The following NIBAN1 variants were observed in gnomAD, a reference collection of about 807,000 sequenced individuals.
NIBAN1 encodes the protein niban apoptosis regulator 1.
Under a neutral mutation model 75.1 loss-of-function variants are expected in NIBAN1, and 81 were observed. That is an observed-to-expected ratio of 1.08 (90% CI 0.90 to 1.30). The LOEUF (loss-of-function observed/expected upper bound fraction) is 1.30, where lower values mean the gene tolerates loss of function less well. Ranked by LOEUF, NIBAN1 falls within the 50% of genes most tolerant of loss-of-function variation. NIBAN1 has a pLI of 0.00. For synonymous variants in NIBAN1, 436 were observed against 424.8 expected (o/e 1.03, Z -0.32); for missense variants, 1,133 against 1,128.1 (o/e 1.00, Z -0.06).
chr1:184,791,034 C>G lies in NIBAN1; in HGVS notation c.*3943G>C, dbSNP rs1382750918. 2.1e-6 allele frequency: 1 copy of G among 471,250 alleles called. No homozygotes were observed. The highest frequency in any genetic ancestry group is 2.0e-5 in the African/African-American group (1 of 50,032). 29.2% of individuals were successfully genotyped at this position (471,250 alleles called of 1,614,324 possible). On this transcript the variant is annotated 3_prime_UTR_variant, in exon 14 of 14. Coordinates refer to ENST00000367511, the MANE Select transcript of NIBAN1 (RefSeq NM_052966.4). ...AATAAATGACATCTGGTCAGCTCTT[C>G]AAGGATGAACATTTTATTGGAATAT... is the stretch of plus-strand genomic sequence containing the variant.
At chr1:184,809,359 G>GA (rs1010353604) in intron 9 of NIBAN1, among the ~76,000 whole-genome samples, 6 of 152,024 alleles carry the variant, frequency 3.9e-5, no homozygotes, top group African/African-American at 1.4e-4. Flanking sequence ...GACAGAAGAG[G>GA]AAAAATGGGT....
chr1:184,838,344 G>A (rs1188151280), intron 5 of NIBAN1, among the ~76,000 whole-genome samples: 1 of 152,104 alleles, frequency 6.6e-6, no homozygotes, highest in Non-Finnish European at 1.5e-5. Context: ...CTGAAAACCT[G>A]GTAAGTTTGC....
At chr1:184,910,237 A>G (rs1459245821) in intron 1 of NIBAN1, among the ~76,000 whole-genome samples, 2 of 152,184 alleles carry the variant, frequency 1.3e-5, no homozygotes, top group African/African-American at 4.8e-5. Flanking sequence ...ATTCCACTAC[A>G]TTCCACAATC....
chr1:184,811,449 A>C (rs1654371932), intron 9 of NIBAN1, among the ~76,000 whole-genome samples: 1 of 151,926 alleles, frequency 6.6e-6, no homozygotes, highest in African/African-American at 2.4e-5. Flanking sequence ...ACTGAAGATA[A>C]TTTACAGTGG....
At chr1:184,941,671 A>AC (rs1249128971) in intron 1 of NIBAN1, among the ~76,000 whole-genome samples, 3 of 151,446 alleles carry the variant, frequency 2.0e-5, no homozygotes, top group African/African-American at 7.3e-5. Context: ...AAAAAAAAAA[A>AC]CCTGGGAAAG....
intron 5 of NIBAN1, chr1:184,868,666 C>A (rs1370003148): frequency 6.6e-6 from 1 of 152,190 alleles, no homozygotes; most frequent in Non-Finnish European, 1.5e-5. Context: ...AGAAATTATC[C>A]ATGTCAAGTT....
intron 5 of NIBAN1, among the ~76,000 whole-genome samples, chr1:184,852,729 C>T (rs376891614): frequency 6.6e-6 from 1 of 152,164 alleles, no homozygotes; most frequent in East Asian, 1.9e-4. Flanking sequence ...ACATAAAGTT[C>T]CGTCTTCAAG....
chr1:184,864,850 C>A (rs576225280), intron 5 of NIBAN1, among the ~76,000 whole-genome samples: 4 of 150,430 alleles, frequency 2.7e-5, no homozygotes, highest in Admixed American at 2.6e-4. Context: ...GCATATGTAC[C>A]CTAAAACTTA....
At chr1:184,834,631 G>A (rs1267816976) in intron 5 of NIBAN1, among the ~76,000 whole-genome samples, 1 of 152,180 alleles carries the variant, frequency 6.6e-6, no homozygotes, top group Non-Finnish European at 1.5e-5. Context: ...TTTTTCATGT[G>A]TCTGTTGGCT....
At chr1:184,917,805 C>T (rs1371616066) in intron 1 of NIBAN1, among the ~76,000 whole-genome samples, 1 of 152,124 alleles carries the variant, frequency 6.6e-6, no homozygotes, top group African/African-American at 2.4e-5. Flanking sequence ...CACATGCATT[C>T]AAGTCCCAGA....
chr1:184,866,090 C>T (rs530592993), intron 5 of NIBAN1, among the ~76,000 whole-genome samples: 167 of 152,266 alleles, frequency 1.1e-3, no homozygotes, highest in African/African-American at 3.8e-3. Context: ...TACACCCCTA[C>T]ACTCAGTACT....
At chr1:184,866,307 G>A (rs1196043659) in intron 5 of NIBAN1, among the ~76,000 whole-genome samples, 1 of 152,116 alleles carries the variant, frequency 6.6e-6, no homozygotes, top group South Asian at 2.1e-4. Context: ...GATTAAGAAA[G>A]GTGTTCTGGT....
intron 10 of NIBAN1, 115 bp downstream of exon 10, chr1:184,807,958 TA>T: frequency 8.2e-7 from 1 of 1,220,166 alleles, no homozygotes; most frequent in Non-Finnish European, 1.2e-6. Context: ...ACATGATGGC[TA>T]AAGAGACGCG....
intron 1 of NIBAN1, among the ~76,000 whole-genome samples, chr1:184,959,315 GA>G (rs1658570959): frequency 1.3e-5 from 2 of 152,212 alleles, no homozygotes; most frequent in Admixed American, 1.3e-4. Context: ...GCAGGCTACA[GA>G]AACACAGTAG....
intron 1 of NIBAN1, among the ~76,000 whole-genome samples, chr1:184,913,087 T>C (rs1557911814): frequency 6.6e-6 from 1 of 150,476 alleles, no homozygotes; most frequent in Non-Finnish European, 1.5e-5. Flanking sequence ...TTGTCTAGTA[T>C]GCACAATATT....
intron 1 of NIBAN1, among the ~76,000 whole-genome samples, chr1:184,927,950 C>G (rs1657722878): frequency 6.6e-6 from 1 of 151,924 alleles, no homozygotes; most frequent in Non-Finnish European, 1.5e-5. Context: ...TGGGAATGTA[C>G]TGGGTCTCAC....
At position 184,890,141 on chromosome 1, in the gene NIBAN1, G is replaced by T. The variant is rs1306919996; in HGVS notation, c.400C>A (p.Leu134Met). The T allele has an allele frequency of 6.2e-7, 1 of 1,613,884 alleles. No individual in the cohort carries two copies. Among genetic ancestry groups the T allele is most frequent in the Middle Eastern group, 1.7e-4 (1 of 6,060 alleles). Reference protein sequence around the residue: ...KVLTSEDEYNLLSDRHFPDPL... With the variant: ...KVLTSEDEYNMLSDRHFPDPL... The stretch of plus-strand genomic sequence containing the variant: ...TCTGGGAAATGCCTGTCAGACAACA[G>T]ATTATATTCATCTTCTGAGGTTAAC... The change falls in exon 4 of 14, where the codon CTG becomes ATG. Residue 134 changes from leucine (L) to methionine (M), a missense_variant. By Grantham distance (15) the Leu-to-Met change is conservative (BLOSUM62 2). Transcript: ENST00000367511.
rs760868196 is a variant in NIBAN1 at position 184,795,870 on chromosome 1, T to C, written c.1894A>G (p.Ser632Gly). 2 of 1,612,744 alleles carry C rather than the reference T, an allele frequency of 1.2e-6. No individual in the cohort carries two copies. The highest frequency in any genetic ancestry group is 1.7e-6 in the Non-Finnish European group (2 of 1,179,184). ...SEEEKQPEVP[S>G]SLAKGESLSL... Reference sequence around the variant, plus strand: ...AGGCTTTCTCCTTTGGCCAACGAGCTAGGGACCTCAGGCTGCTTCTCTTCC... The same window carrying C: ...AGGCTTTCTCCTTTGGCCAACGAGCCAGGGACCTCAGGCTGCTTCTCTTCC... The change falls in exon 14 of 14, where the codon AGC becomes GGC. Residue 632 changes from serine (S) to glycine (G), a missense_variant. Coordinates refer to ENST00000367511, the MANE Select transcript of NIBAN1 (RefSeq NM_052966.4).
chr1:184,795,554 T>C lies in NIBAN1; in HGVS notation c.2210A>G (p.Glu737Gly). ...TTCATTTTCTTGGGGAACGTGGCTC[T>C]CCCCATTCGTATCTTCTTCCATCAC... Reference protein sequence around the residue: ...APVMEEDTNGESHVPQENEEE... With the variant: ...APVMEEDTNGGSHVPQENEEE... Residue 737 changes from glutamate (E) to glycine (G), a missense_variant, in exon 14 of 14, where the codon GAG becomes GGG. Physicochemically the swap from Glu to Gly is moderately conservative, Grantham distance 98 (BLOSUM62 -2). Transcript: ENST00000367511. The C allele has an allele frequency of 6.2e-7, 1 of 1,614,180 alleles. No homozygotes were observed. Among genetic ancestry groups the C allele is most frequent in the Non-Finnish European group, 8.5e-7 (1 of 1,180,036 alleles).
Sources: gnomAD v4.1 joint callset for allele counts (sites outside exome capture counted in the v4.1 genomes callset) on GRCh38, gnomAD v4.1.1 for gene constraint, MANE v1.5 for transcripts, NCBI Gene and HGNC (gene_info 2026-07-23, HGNC 2026-07-21) for gene names.